Variants in USH2A observed in about 807,000 individuals in gnomAD.
The protein encoded by USH2A is Usher syndrome 2A (autosomal recessive, mild).
A neutral mutation model predicts 538.9 loss-of-function variants in USH2A; 443 were observed. The observed-to-expected ratio is 0.82, with a 90% CI of 0.76 to 0.89. USH2A has a LOEUF of 0.89. Ranked by LOEUF, USH2A falls within the 40% of genes least tolerant of loss-of-function variation. USH2A has a pLI of 0.00. For missense variants in USH2A, 6,633 were observed against 6,324.8 expected, an observed-to-expected ratio of 1.05 and a Z score of -1.65; for synonymous variants, 2,413 against 2,273.5, an observed-to-expected ratio of 1.06 and a Z score of -1.75.
intron 19 of USH2A, among the ~76,000 whole-genome samples, chr1:216,193,114 A>AT (rs1400395660): frequency 5.3e-5 from 8 of 152,266 alleles, no homozygotes; most frequent in African/African-American, 1.7e-4. Flanking sequence ...TAAGTAATAG[A>AT]TAAATCAAAA....
At chr1:216,003,267 G>T (rs1668309366) in intron 32 of USH2A, among the ~76,000 whole-genome samples, 1 of 152,046 alleles carries the variant, frequency 6.6e-6, no homozygotes, top group African/African-American at 2.4e-5. Context: ...CCTAGTTAGG[G>T]TTTGCCTCTA....
At chr1:215,633,639 C>A (rs779477548) in intron 70 of USH2A, among the ~76,000 whole-genome samples, 3 of 152,054 alleles carry the variant, frequency 2.0e-5, no homozygotes, top group African/African-American at 4.8e-5. Flanking sequence ...TAATATAGAA[C>A]CTTAGTGCAA....
Position 216,114,739 on chromosome 1 carries a change from T to G in USH2A, c.4628-17526A>C, listed in dbSNP as rs115369269. ...AATTTCCAGTGGAAGGATTCACCAG[T>G]GCAAACACCAATAGCAACCAACACG... is the stretch of plus-strand genomic sequence containing the variant. On this transcript the variant is annotated intron_variant, in intron 21 of 71. Transcript: ENST00000307340. Among the ~76,000 whole-genome samples the G allele has an allele frequency of 8.6e-3, 1,303 of 152,258 alleles. 7 individuals are homozygous for G. The highest frequency in any genetic ancestry group is 0.024 in the Middle Eastern group (7 of 294).
intron 14 of USH2A, among the ~76,000 whole-genome samples, chr1:216,230,824 G>A (rs2035661747): frequency 1.3e-5 from 2 of 151,740 alleles, no homozygotes; most frequent in South Asian, 4.2e-4. Context: ...AGGGATAGGA[G>A]CTTCAAAGAA....
chr1:215,912,479 A>ATATATATATGTGTGTATATATATATATG (rs1558157904), intron 38 of USH2A, among the ~76,000 whole-genome samples: 191 of 31,720 alleles, frequency 6.0e-3, no homozygotes, highest in Middle Eastern at 0.014. Flanking sequence ...ATATATACGT[A>ATATATATATGTGTGTATATATATATATG]TATATATATA....
At chr1:215,683,888 G>C (rs1658327263) in intron 61 of USH2A, among the ~76,000 whole-genome samples, 1 of 151,714 alleles carries the variant, frequency 6.6e-6, no homozygotes, top group African/African-American at 2.4e-5. Flanking sequence ...CCTGACTTCT[G>C]GCCTGCCACC....
At chr1:216,323,301 T>TAA (rs1491120595) in intron 8 of USH2A, among the ~76,000 whole-genome samples, 173 bp downstream of exon 8, 32 of 137,128 alleles carry the variant, frequency 2.3e-4, no homozygotes, top group East Asian at 1.5e-3. Flanking sequence ...TATATATATA[T>TAA]AACAATGTTA....
At chr1:216,422,792 TATATA>T (rs1382869319) in intron 1 of USH2A, among the ~76,000 whole-genome samples, 2 of 151,402 alleles carry the variant, frequency 1.3e-5, no homozygotes, top group Admixed American at 6.6e-5. Context: ...CATAAATATT[TATATA>T]ATATATGTGT....
At chr1:215,874,614 C>T (rs1489536985) in intron 43 of USH2A, among the ~76,000 whole-genome samples, 3 of 152,090 alleles carry the variant, frequency 2.0e-5, no homozygotes, top group African/African-American at 7.2e-5. Flanking sequence ...AGGAAATTGG[C>T]TTCAACTTAT....
intron 62 of USH2A, among the ~76,000 whole-genome samples, chr1:215,677,126 T>C (rs1658059052): frequency 6.6e-6 from 1 of 152,214 alleles, no homozygotes; most frequent in Non-Finnish European, 1.5e-5. Flanking sequence ...TAGAGAAGAA[T>C]GCCTCCATGT....
At chr1:216,239,196 G>A (rs2035886828) in intron 13 of USH2A, among the ~76,000 whole-genome samples, 1 of 151,944 alleles carries the variant, frequency 6.6e-6, no homozygotes, top group South Asian at 2.1e-4. Context: ...AGCACACATT[G>A]CTCTTTTCGT....
intron 47 of USH2A, among the ~76,000 whole-genome samples, chr1:215,833,990 A>C (rs1288952298): frequency 6.6e-6 from 1 of 152,132 alleles, no homozygotes; most frequent in Non-Finnish European, 1.5e-5. Context: ...AATGTAATTT[A>C]AGACCATAAT....
At chr1:215,931,401 T>C (rs538991110) in intron 38 of USH2A, among the ~76,000 whole-genome samples, 1 of 152,068 alleles carries the variant, frequency 6.6e-6, no homozygotes, top group African/African-American at 2.4e-5. Context: ...AAACTAAGGA[T>C]TGTTTATTCT....
intron 27 of USH2A, among the ~76,000 whole-genome samples, chr1:216,077,048 A>G (rs1438858314): frequency 6.6e-6 from 1 of 152,076 alleles, no homozygotes; most frequent in Admixed American, 6.6e-5. Flanking sequence ...TAGCCATGTG[A>G]CCTTGGGAAA....
At chr1:215,741,265 A>G (rs912960322) in intron 60 of USH2A, 110 bp downstream of exon 60, 6 of 1,339,830 alleles carry the variant, frequency 4.5e-6, no homozygotes, top group East Asian at 2.3e-5. Flanking sequence ...AAAACACAAC[A>G]TGAATTCCCA....
intron 21 of USH2A, among the ~76,000 whole-genome samples, chr1:216,173,152 G>A (rs949455011): frequency 3.3e-5 from 5 of 152,108 alleles, no homozygotes; most frequent in African/African-American, 4.8e-5. Flanking sequence ...TAGGAAAGAT[G>A]CAAGTTTACA....
chr1:215,914,653 C>T (rs1174979156), intron 38 of USH2A, among the ~76,000 whole-genome samples: 1 of 152,096 alleles, frequency 6.6e-6, no homozygotes, highest in Non-Finnish European at 1.5e-5. Context: ...TCCAATATCT[C>T]CTTAGGGAAT....
At chr1:216,168,760 T>C (rs2034219071) in intron 21 of USH2A, among the ~76,000 whole-genome samples, 1 of 152,028 alleles carries the variant, frequency 6.6e-6, no homozygotes, top group African/African-American at 2.4e-5. Context: ...TATTTTGCAG[T>C]CCCTTAACTC....
chr1:216,106,590 A>G (rs980905924), intron 21 of USH2A, among the ~76,000 whole-genome samples: 3 of 142,484 alleles, frequency 2.1e-5, no homozygotes, highest in African/African-American at 7.9e-5. Context: ...TCCCCTTACC[A>G]CTCTCCATTC....
Sources: gnomAD v4.1 joint callset for allele counts (sites outside exome capture counted in the v4.1 genomes callset) on GRCh38, gnomAD v4.1.1 for gene constraint, MANE v1.5 for transcripts, NCBI Gene and HGNC (gene_info 2026-07-23, HGNC 2026-07-21) for gene names.